Variants in DYM observed in about 807,000 individuals in gnomAD.
The protein encoded by DYM is dyggve-Melchior-Clausen syndrome protein.
DYM carries 78 observed loss-of-function variants against 93.1 expected under a neutral mutation model. The observed-to-expected ratio is 0.84, with a 90% confidence interval of 0.70 to 1.01. DYM has a LOEUF of 1.01. Among genes scored for constraint, DYM ranks in the 50% least tolerant of loss-of-function variants. DYM has a pLI of 0.00. For missense variants in DYM, 789 were observed against 845.0 expected, an observed-to-expected ratio of 0.93 and a Z score of 0.82; for synonymous variants, 321 against 319.7, an observed-to-expected ratio of 1.00 and a Z score of -0.04.
At chr18:49,337,861 G>A (rs1461905261) in intron 6 of DYM, among the ~76,000 whole-genome samples, 1 of 152,078 alleles carries the variant, frequency 6.6e-6, no homozygotes, top group Non-Finnish European at 1.5e-5. Context: ...AGAAGAAGGG[G>A]AAGGGCATTA....
chr18:49,425,750 C>A (rs1289412020), intron 2 of DYM, among the ~76,000 whole-genome samples: 1 of 152,202 alleles, frequency 6.6e-6, no homozygotes, highest in East Asian at 1.9e-4. Flanking sequence ...TGAACAGATA[C>A]TTCTCAAAAG....
intron 11 of DYM, among the ~76,000 whole-genome samples, chr18:49,271,068 G>A (rs2094685520): frequency 6.6e-6 from 1 of 152,116 alleles, no homozygotes; most frequent in South Asian, 2.1e-4. Context: ...CGACTTCTTA[G>A]TGCTTACTCC....
intron 17 of DYM, among the ~76,000 whole-genome samples, chr18:49,069,769 A>G (rs1296394303): frequency 6.6e-6 from 1 of 152,168 alleles, no homozygotes; most frequent in East Asian, 1.9e-4. Flanking sequence ...TGGGCCAGGC[A>G]TGGTGGCTCA....
chr18:49,430,015 G>T (rs1463378545), intron 2 of DYM, among the ~76,000 whole-genome samples: 1 of 152,150 alleles, frequency 6.6e-6, no homozygotes, highest in African/African-American at 2.4e-5. Flanking sequence ...ATTATCTCTA[G>T]AACGATTCAA....
intron 11 of DYM, among the ~76,000 whole-genome samples, chr18:49,269,679 A>G (rs59524095): frequency 0.013 from 1,952 of 152,350 alleles, 36 homozygotes; most frequent in African/African-American, 0.044. Flanking sequence ...CAAAATTCCT[A>G]TCACCTAGAT....
At position 49,043,870 on chromosome 18, in the gene DYM, T is replaced by G; in HGVS notation, c.*185A>C. 1.4e-6 allele frequency: 1 copy of G among 696,212 alleles called. No homozygotes were observed. Among genetic ancestry groups the G allele is most frequent in the Non-Finnish European group, 2.5e-6 (1 of 402,996 alleles). 43.1% of individuals were successfully genotyped at this position (696,212 alleles called of 1,614,324 possible). A position where few individuals can be genotyped will look rare whatever the true frequency, so the allele number is the denominator to read the frequency against. ...CCCCTTTTTGCAATACTATCTACGC[T>G]GAGTTATCTATTGCCAACTAGCACC... On this transcript the variant is annotated 3_prime_UTR_variant, in exon 18 of 18. Transcript: ENST00000675505.
intron 1 of DYM, among the ~76,000 whole-genome samples, chr18:49,454,567 T>G (rs1195938610): frequency 1.3e-5 from 2 of 152,076 alleles, no homozygotes; most frequent in African/African-American, 4.8e-5. Context: ...AACCAATCTG[T>G]GAGCCCTATG....
At chr18:49,136,334 C>T (rs2083844999) in intron 15 of DYM, among the ~76,000 whole-genome samples, 1 of 152,168 alleles carries the variant, frequency 6.6e-6, no homozygotes, top group Non-Finnish European at 1.5e-5. Flanking sequence ...CAAAAGCATA[C>T]ATATATGTTA....
chr18:49,121,449 G>A (rs1355664187), intron 15 of DYM, among the ~76,000 whole-genome samples: 2 of 151,862 alleles, frequency 1.3e-5, no homozygotes, highest in Non-Finnish European at 2.9e-5. Context: ...ACTCCCAGAA[G>A]GAAAAGAGAG....
intron 16 of DYM, among the ~76,000 whole-genome samples, chr18:49,117,762 T>C (rs1035083326): frequency 3.9e-5 from 6 of 152,140 alleles, no homozygotes; most frequent in African/African-American, 1.4e-4. Context: ...CACACTACAG[T>C]GTATTCTTGG....
chr18:49,369,877 G>A (rs556275439), intron 5 of DYM, among the ~76,000 whole-genome samples: 2 of 152,256 alleles, frequency 1.3e-5, no homozygotes, highest in Non-Finnish European at 2.9e-5. Flanking sequence ...ACAGTGTCTT[G>A]GGCCTAGCAC....
intron 6 of DYM, among the ~76,000 whole-genome samples, chr18:49,340,184 T>G (rs527685914): frequency 6.6e-6 from 1 of 152,054 alleles, no homozygotes; most frequent in African/African-American, 2.4e-5. Context: ...GATCTCCTGA[T>G]CTCGTGATCC....
At chr18:49,410,345 C>T (rs1801339361) in intron 2 of DYM, among the ~76,000 whole-genome samples, 1 of 152,000 alleles carries the variant, frequency 6.6e-6, no homozygotes, top group African/African-American at 2.4e-5. Flanking sequence ...CAGGCATAAG[C>T]CACAGTACCC....
chr18:49,334,597 A>G (rs1258420920), intron 6 of DYM, among the ~76,000 whole-genome samples: 1 of 152,218 alleles, frequency 6.6e-6, no homozygotes, highest in Non-Finnish European at 1.5e-5. Flanking sequence ...GTTAAGACCA[A>G]GGAAGTAGAA....
chr18:49,203,881 A>G (rs868287935), intron 14 of DYM, among the ~76,000 whole-genome samples: 5 of 133,790 alleles, frequency 3.7e-5, no homozygotes, highest in African/African-American at 1.2e-4. Flanking sequence ...TAAAAAAAAA[A>G]AAAAAAAAAA....
Position 49,324,233 on chromosome 18 carries a change from C to G in DYM, c.763+7631G>C, listed in dbSNP as rs188017465. ...AAAGAATTAACTATTAACTGCCGTA[C>G]TGACTATACTTAAGGCTACCCATAA... On this transcript the variant is annotated intron_variant, in intron 8 of 17. Coordinates refer to ENST00000675505, the MANE Select transcript of DYM (RefSeq NM_001353214.3). 1.2e-3 allele frequency among the ~76,000 whole-genome samples: 180 copies of G among 149,446 alleles called. 1 individual carries two copies. Among genetic ancestry groups the G allele is most frequent in the African/African-American group, 4.1e-3 (166 of 40,758 alleles).
intron 8 of DYM, among the ~76,000 whole-genome samples, chr18:49,326,095 C>G (rs541765337): frequency 1.3e-5 from 2 of 152,104 alleles, no homozygotes; most frequent in Non-Finnish European, 2.9e-5. Flanking sequence ...ATTACCAGGT[C>G]CCACCTCATG....
chr18:49,346,650 T>C (rs2064625107), intron 6 of DYM, among the ~76,000 whole-genome samples: 1 of 152,182 alleles, frequency 6.6e-6, no homozygotes, highest in African/African-American at 2.4e-5. Flanking sequence ...AAAATATACC[T>C]CAATGAAGTT....
At chr18:49,072,841 T>C (rs963609488) in intron 17 of DYM, among the ~76,000 whole-genome samples, 8 of 152,246 alleles carry the variant, frequency 5.3e-5, no homozygotes, top group South Asian at 4.1e-4. Context: ...TTCACAAACA[T>C]GTGATATCCC....
Sources: allele counts gnomAD v4.1 joint callset (sites outside exome capture counted in the v4.1 genomes callset), GRCh38; gene constraint gnomAD v4.1.1; transcripts MANE v1.5; gene names NCBI Gene and HGNC (gene_info 2026-07-23, HGNC 2026-07-21).